SLC7A2: variants seen among roughly 807,000 people sequenced by gnomAD.
SLC7A2 encodes the protein cationic amino acid transporter 2.
A neutral mutation model predicts 58.9 loss-of-function variants in SLC7A2; 48 were observed. That is an observed-to-expected ratio of 0.82 (90% CI 0.65 to 1.04). The LOEUF is 1.04. Among genes scored for constraint, SLC7A2 ranks in the 50% least tolerant of loss-of-function variants. The pLI is 0.00. For synonymous variants in SLC7A2, 363 were observed against 314.5 expected, an observed-to-expected ratio of 1.15 and a Z score of -1.63; for missense variants, 1,029 against 818.8, an observed-to-expected ratio of 1.26 and a Z score of -3.13.
chr8:17,516,982 A>G (rs903139828), intron 2 of SLC7A2, among the ~76,000 whole-genome samples: 9 of 152,178 alleles, frequency 5.9e-5, no homozygotes, highest in African/African-American at 2.2e-4. Context: ...TCAACACTGA[A>G]GAGGACTTTG....
intron 2 of SLC7A2, among the ~76,000 whole-genome samples, chr8:17,520,125 G>A (rs1004175920): frequency 6.6e-6 from 1 of 152,170 alleles, no homozygotes; most frequent in African/African-American, 2.4e-5. Context: ...ATTTCAATAA[G>A]TGATAAAAGC....
At chr8:17,516,928 G>T (rs565526850) in intron 2 of SLC7A2, among the ~76,000 whole-genome samples, 2 of 152,314 alleles carry the variant, frequency 1.3e-5, no homozygotes, top group Non-Finnish European at 2.9e-5. Context: ...TTCATGCATG[G>T]TACACTGAGG....
intron 2 of SLC7A2, among the ~76,000 whole-genome samples, chr8:17,532,250 AAAAAAAAAAC>A (rs1260736733): frequency 7.5e-5 from 9 of 120,416 alleles, no homozygotes; most frequent in East Asian, 4.9e-4. Flanking sequence ...AAAAAAAAAA[AAAAAAAAAAC>A]CCCAGCAATT....
At chr8:17,564,734 CTG>C (rs1382452062) in intron 12 of SLC7A2, among the ~76,000 whole-genome samples, 3 of 152,146 alleles carry the variant, frequency 2.0e-5, no homozygotes, top group Admixed American at 6.5e-5. Flanking sequence ...TGTAAATACA[CTG>C]TAAATACTAG....
At chr8:17,550,706 C>T (rs1212673163) in intron 6 of SLC7A2, among the ~76,000 whole-genome samples, 1 of 152,176 alleles carries the variant, frequency 6.6e-6, no homozygotes, top group South Asian at 2.1e-4. Context: ...AAATACTTTG[C>T]CAGCTGTTGA....
intron 6 of SLC7A2, 31 bp downstream of exon 6, chr8:17,550,465 G>C: frequency 1.0e-5 from 16 of 1,604,114 alleles, no homozygotes; most frequent in Non-Finnish European, 1.4e-5. Flanking sequence ...CAGTGTAGAA[G>C]GAGTGTTCCT....
chr8:17,549,568 T>C lies in SLC7A2; in HGVS notation c.698+725T>C, dbSNP rs1038817885. 7.2e-5 allele frequency among the ~76,000 whole-genome samples: 11 copies of C among 152,334 alleles called. No homozygotes were observed. The South Asian group carries it at 2.3e-3, about 32-fold the overall frequency. ...GAGTATTTTTGAGTCCTGCATCCTT[T>C]AGTTCTTCCTTCAGGACCACCATTC... On this transcript the variant is annotated intron_variant, in intron 5 of 12. Transcript: ENST00000494857.
chr8:17,551,202 GGC>G (rs1411938402), intron 6 of SLC7A2, among the ~76,000 whole-genome samples: 1 of 152,022 alleles, frequency 6.6e-6, no homozygotes, highest in Non-Finnish European at 1.5e-5. Context: ...TTTCTTTCCT[GGC>G]GATAGGAAAC....
intron 2 of SLC7A2, among the ~76,000 whole-genome samples, chr8:17,509,030 A>T (rs1800488027): frequency 6.6e-6 from 1 of 152,098 alleles, no homozygotes; most frequent in African/African-American, 2.4e-5. Flanking sequence ...CAGGCGAATG[A>T]TATTACTAAA....
Position 17,565,406 on chromosome 8 carries a change from G to A in SLC7A2, c.*260G>A, listed in dbSNP as rs1262468324. 4 of 378,716 alleles carry A rather than the reference G, an allele frequency of 1.1e-5. No individual in the cohort carries two copies. The highest frequency in any genetic ancestry group is 1.9e-5 in the Non-Finnish European group (4 of 209,472). 23.5% of individuals were successfully genotyped at this position (378,716 alleles called of 1,614,324 possible). ...AGTGTGTATGTATGTGTGTATGTAT[G>A]TATCTATGTATATGCTTGGGAACAT... On this transcript the variant is annotated 3_prime_UTR_variant, in exon 13 of 13. Coordinates refer to ENST00000494857, the MANE Select transcript of SLC7A2 (RefSeq NM_001370338.1).
chr8:17,550,252 A>C, intron 5 of SLC7A2, 49 bp from the exon 6 acceptor site: 2 of 1,584,406 alleles, frequency 1.3e-6, no homozygotes, highest in Non-Finnish European at 1.7e-6. Flanking sequence ...CACCAGAAGG[A>C]GAGTTTTCTG....
intron 2 of SLC7A2, among the ~76,000 whole-genome samples, chr8:17,504,394 T>G (rs1800284683): frequency 6.6e-6 from 1 of 152,222 alleles, no homozygotes; most frequent in African/African-American, 2.4e-5. Context: ...TTTAAATTAT[T>G]TCATACTTTA....
rs1563488457 is a variant in SLC7A2 at position 17,564,991 on chromosome 8, G to C, written c.1822G>C (p.Glu608Gln). ...YFSYGIRHSL[E>Q]GHLRDENNEE... ...TTCTTATGGCATTAGACACAGCCTG[G>C]AGGGTCATCTGAGAGATGAAAACAA... The change falls in exon 13 of 13, where the codon GAG becomes CAG. Residue 608 changes from glutamate (E) to glutamine (Q), a missense_variant. Transcript: ENST00000494857. The C allele has an allele frequency of 1.2e-6, 2 of 1,613,638 alleles. No individual in the cohort carries two copies. The highest frequency in any genetic ancestry group is 1.7e-5 in the Admixed American group (1 of 59,936).
intron 2 of SLC7A2, among the ~76,000 whole-genome samples, chr8:17,526,078 G>T (rs960068834): frequency 6.6e-6 from 1 of 152,052 alleles, no homozygotes; most frequent in Non-Finnish European, 1.5e-5. Context: ...TAATTCTATG[G>T]ACTGTAACCC....
intron 2 of SLC7A2, among the ~76,000 whole-genome samples, chr8:17,526,052 A>C (rs1801210425): frequency 6.6e-6 from 1 of 152,206 alleles, no homozygotes; most frequent in Non-Finnish European, 1.5e-5. Flanking sequence ...CTAAATACCC[A>C]GAGAAAATAT....
rs1483038745 is a variant in SLC7A2, at chr8:17,558,344, C to T, written c.1245C>T (p.Ser415=). ...FDLKALVDMM[S]IGTLMAYSLV... The stretch of plus-strand genomic sequence containing the variant: ...TGAAGGCGCTTGTGGACATGATGTC[C>T]ATTGGCACACTCATGGCCTACTCTC... Residue 415 remains serine, a synonymous_variant, in exon 9 of 13, where the codon TCC becomes TCT. Coordinates refer to ENST00000494857, the MANE Select transcript of SLC7A2 (RefSeq NM_001370338.1). The T allele has an allele frequency of 6.2e-7, 1 of 1,613,532 alleles. No individual in the cohort carries two copies. Among genetic ancestry groups the T allele is most frequent in the Non-Finnish European group, 8.5e-7 (1 of 1,179,760 alleles).
chr8:17,556,694 C>T (rs551729250), intron 8 of SLC7A2, among the ~76,000 whole-genome samples: 2 of 152,006 alleles, frequency 1.3e-5, no homozygotes, highest in East Asian at 1.9e-4. Flanking sequence ...TTGCAACCTC[C>T]ACCTCCCGAG....
intron 2 of SLC7A2, among the ~76,000 whole-genome samples, chr8:17,533,790 G>C (rs2517247): frequency 0.6 from 91,916 of 152,078 alleles, 28,758 homozygotes; most frequent in Admixed American, 0.7. Flanking sequence ...GAATACATGT[G>C]CAGGACGTGC....
At chr8:17,523,441 G>A (rs1271762531) in intron 2 of SLC7A2, among the ~76,000 whole-genome samples, 1 of 152,164 alleles carries the variant, frequency 6.6e-6, no homozygotes, top group Non-Finnish European at 1.5e-5. Context: ...ACAGAATAGA[G>A]AACCTAGAAA....
Sources: gnomAD v4.1 joint callset for allele counts (sites outside exome capture counted in the v4.1 genomes callset) on GRCh38, gnomAD v4.1.1 for gene constraint, MANE v1.5 for transcripts, NCBI Gene and HGNC (gene_info 2026-07-23, HGNC 2026-07-21) for gene names.